The following MYO5B variants were observed in gnomAD, a reference collection of about 807,000 sequenced individuals.
MYO5B encodes the protein unconventional myosin-Vb.
Under a neutral mutation model 229.3 loss-of-function variants are expected in MYO5B, and 143 were observed. The observed-to-expected ratio is 0.62, with a 90% confidence interval of 0.54 to 0.72. The LOEUF (loss-of-function observed/expected upper bound fraction) is 0.72, where lower values mean the gene tolerates loss of function less well. Ranked by LOEUF, MYO5B falls within the 30% of genes least tolerant of loss-of-function variation. MYO5B has a pLI of 0.00. For missense variants in MYO5B, 2,321 were observed against 2,331.0 expected, an observed-to-expected ratio of 1.00 and a Z score of 0.09; for synonymous variants, 918 against 885.2, an observed-to-expected ratio of 1.04 and a Z score of -0.66.
chr18:49,964,533 C>T (rs1033946544), intron 10 of MYO5B, among the ~76,000 whole-genome samples: 1 of 152,174 alleles, frequency 6.6e-6, no homozygotes, highest in African/African-American at 2.4e-5. Context: ...TCTGGTCCTG[C>T]CCCTCTTTAC....
chr18:50,152,036 C>T (rs556517418), intron 1 of MYO5B, among the ~76,000 whole-genome samples: 25 of 152,264 alleles, frequency 1.6e-4, no homozygotes, highest in African/African-American at 5.1e-4. Context: ...AGAGAGATGA[C>T]GGAAATGAAT....
chr18:50,179,660 A>G (rs1298374018), intron 1 of MYO5B, among the ~76,000 whole-genome samples: 2 of 152,230 alleles, frequency 1.3e-5, no homozygotes, highest in Admixed American at 1.3e-4. Context: ...ACTAGCACAG[A>G]AGGCAATGCA....
At chr18:50,149,532 A>G (rs919404838) in intron 1 of MYO5B, among the ~76,000 whole-genome samples, 1 of 151,794 alleles carries the variant, frequency 6.6e-6, no homozygotes, top group Non-Finnish European at 1.5e-5. Context: ...ATAATGCCAC[A>G]TATCTACAAC....
intron 12 of MYO5B, among the ~76,000 whole-genome samples, chr18:49,962,049 C>T (rs548564710): frequency 8.3e-4 from 126 of 152,296 alleles, no homozygotes; most frequent in South Asian, 3.3e-3. Flanking sequence ...GAGAGGCATA[C>T]GTTTACCAGT....
chr18:50,124,396 T>C (rs750878773), intron 1 of MYO5B, among the ~76,000 whole-genome samples: 3 of 152,214 alleles, frequency 2.0e-5, no homozygotes, highest in Non-Finnish European at 4.4e-5. Flanking sequence ...CCCATGCACA[T>C]GGTCCCATCA....
intron 20 of MYO5B, among the ~76,000 whole-genome samples, chr18:49,903,164 C>G (rs987534531): frequency 6.6e-6 from 1 of 152,120 alleles, no homozygotes; most frequent in Non-Finnish European, 1.5e-5. Context: ...ACCCATTTAC[C>G]AGGTGGAGGT....
intron 1 of MYO5B, among the ~76,000 whole-genome samples, chr18:50,113,427 C>T (rs1307492932): frequency 6.6e-6 from 1 of 152,214 alleles, no homozygotes; most frequent in African/African-American, 2.4e-5. Context: ...AACTACATTT[C>T]ACATTTGTGT....
At chr18:50,167,674 C>T (rs1366021789) in intron 1 of MYO5B, among the ~76,000 whole-genome samples, 1 of 152,156 alleles carries the variant, frequency 6.6e-6, no homozygotes, top group Non-Finnish European at 1.5e-5. Context: ...GTTTAAGGCC[C>T]ATCTCCCTCC....
In MYO5B at chr18:49,902,772, C is replaced by T. The variant is rs780738516; in HGVS notation, c.2633G>A (p.Arg878Lys). ...QKHVRGWMAR[R>K]HFQRLRDAAI... ...TGCATCCCGCAGCCGCTGGAAGTGCCTGCGTGCCATCCAGCCCCGCACGTG... is the reference window on the plus strand; with the variant it reads ...TGCATCCCGCAGCCGCTGGAAGTGCTTGCGTGCCATCCAGCCCCGCACGTG... The change falls in exon 21 of 40, where the codon AGG becomes AAG. Residue 878 changes from arginine to lysine, a missense_variant. Arg to Lys is a conservative substitution (Grantham distance 26). Around this residue, in one of 2 missense-constraint regions of MYO5B, gnomAD observed 2,113 missense variants for 2,044.7 expected, o/e 1.03. Transcript: ENST00000285039. 6 of 1,605,096 alleles carry T rather than the reference C, an allele frequency of 3.7e-6. No homozygotes were observed. The South Asian group carries it at 4.4e-5, about 12-fold the overall frequency.
intron 1 of MYO5B, among the ~76,000 whole-genome samples, chr18:50,087,639 C>T (rs11873585): frequency 0.038 from 5,715 of 151,630 alleles, 360 homozygotes; most frequent in African/African-American, 0.13. Flanking sequence ...TATGTTTAAC[C>T]GCCTGTGTCT....
At chr18:50,162,896 A>T (rs1176294800) in intron 1 of MYO5B, among the ~76,000 whole-genome samples, 2 of 152,288 alleles carry the variant, frequency 1.3e-5, no homozygotes, top group Admixed American at 1.3e-4. Flanking sequence ...TCACAGCGGC[A>T]TCTCCCTCCC....
At chr18:50,165,252 G>A (rs2032828456) in intron 1 of MYO5B, among the ~76,000 whole-genome samples, 1 of 151,864 alleles carries the variant, frequency 6.6e-6, no homozygotes, top group African/African-American at 2.4e-5. Flanking sequence ...GGTGGCTGAG[G>A]CAGGAGGATC....
intron 4 of MYO5B, among the ~76,000 whole-genome samples, chr18:50,011,455 A>G (rs1363948949): frequency 6.6e-6 from 1 of 152,144 alleles, no homozygotes; most frequent in South Asian, 2.1e-4. Flanking sequence ...CCAAACACAT[A>G]TGCTCAACTG....
At chr18:49,995,596 C>A (rs1434266000) in intron 5 of MYO5B, among the ~76,000 whole-genome samples, 1 of 152,072 alleles carries the variant, frequency 6.6e-6, no homozygotes, top group Non-Finnish European at 1.5e-5. Flanking sequence ...TGCTAGAAAA[C>A]CAACTAATTA....
At chr18:49,927,512 C>T (rs71357208) in intron 17 of MYO5B, among the ~76,000 whole-genome samples, 1,932 of 152,260 alleles carry the variant, frequency 0.013, 12 homozygotes, top group Middle Eastern at 0.031. Context: ...TGTAAGGCCA[C>T]AGTCACCAAA....
chr18:50,191,805 C>T (rs1207566495), intron 1 of MYO5B, among the ~76,000 whole-genome samples: 1 of 152,114 alleles, frequency 6.6e-6, no homozygotes, highest in Admixed American at 6.5e-5. Context: ...TGAATGGGAT[C>T]TAGAACAGGG....
At position 49,912,142 on chromosome 18, in the gene MYO5B, G is replaced by C. The variant is rs200856386; in HGVS notation, c.2122C>G (p.Arg708Gly). The C allele has an allele frequency of 1.9e-6, 3 of 1,613,850 alleles. No individual in the cohort carries two copies. The highest frequency in any genetic ancestry group is 1.3e-5 in the African/African-American group (1 of 74,860). Residue 708 changes from arginine to glycine, a missense_variant, in exon 18 of 40, where the codon CGG becomes GGG. By Grantham distance (125) the Arg-to-Gly change is moderately radical (BLOSUM62 -2). Coordinates refer to ENST00000285039, the MANE Select transcript of MYO5B (RefSeq NM_001080467.3). Reference protein sequence around the residue: ...WAYHDFFNRYRVLVKKRELAN... With the variant: ...WAYHDFFNRYGVLVKKRELAN... ...AGCTCTCTCTTCTTGACCAGCACCC[G>C]ATACCGGTTGAAAAAGTCATGGTAG...
intron 1 of MYO5B, among the ~76,000 whole-genome samples, chr18:50,086,108 C>T (rs2031323954): frequency 6.6e-6 from 1 of 152,142 alleles, no homozygotes; most frequent in Non-Finnish European, 1.5e-5. Context: ...TAAAATATGG[C>T]AGACTTTTTG....
At position 49,835,257 on chromosome 18, in the gene MYO5B, TAAAGAG is replaced by T. The variant is rs2023974169; in HGVS notation, c.5394+81_5394+86del. 9.6e-6 allele frequency: 9 copies of T among 936,514 alleles called. No homozygotes were observed. In the East Asian group the frequency reaches 2.2e-4, roughly 23 times the overall value. The allele number at this position is 936,514 out of a possible 1,614,324, so 58.0% of individuals were successfully genotyped here. A position where few individuals can be genotyped will look rare whatever the true frequency, so the allele number is the denominator to read the frequency against. On this transcript the variant is annotated intron_variant, in intron 39 of 39. Coordinates refer to ENST00000285039, the MANE Select transcript of MYO5B (RefSeq NM_001080467.3). ...ATATATGTAACCAGTATTTTAGTAA[TAAAGAG>T]AAGCAAGATTAAAGCCCAAATTTTT... is the stretch of plus-strand genomic sequence containing the variant.
Sources: gnomAD v4.1 joint callset for allele counts (sites outside exome capture counted in the v4.1 genomes callset) on GRCh38, gnomAD v4.1.1 for gene constraint, gnomAD v4.1.1 regional missense constraint, MANE v1.5 for transcripts, NCBI Gene and HGNC (gene_info 2026-07-23, HGNC 2026-07-21) for gene names.